GALNT17: variants seen among roughly 807,000 people sequenced by gnomAD.
The protein encoded by GALNT17 is UDP-GalNAc:polypeptide N-acetylgalactosaminyltransferase-like 3.
A neutral mutation model predicts 63.7 loss-of-function variants in GALNT17; 29 were observed. The ratio of observed to expected loss-of-function variants is 0.46; its 90% confidence interval spans 0.34 to 0.62. The LOEUF is 0.62. Among genes scored for constraint, GALNT17 ranks in the 20% least tolerant of loss-of-function variants. GALNT17 has a pLI of 0.01. For synonymous variants in GALNT17, 305 were observed against 318.3 expected, an observed-to-expected ratio of 0.96 and a Z score of 0.45; for missense variants, 603 against 799.6, an observed-to-expected ratio of 0.75 and a Z score of 2.97.
At chr7:71,398,439 G>T (rs2116378143) in intron 3 of GALNT17, among the ~76,000 whole-genome samples, 1 of 151,996 alleles carries the variant, frequency 6.6e-6, no homozygotes, top group East Asian at 1.9e-4. Context: ...TTCTCTGAAA[G>T]CTCCTTTTAT....
chr7:71,271,406 G>A (rs570101909), intron 1 of GALNT17, among the ~76,000 whole-genome samples: 1 of 152,278 alleles, frequency 6.6e-6, no homozygotes, highest in African/African-American at 2.4e-5. Context: ...ACTGACCAGT[G>A]GCCACGTGGC....
intron 2 of GALNT17, among the ~76,000 whole-genome samples, chr7:71,385,188 G>GC (rs1170511377): frequency 6.6e-6 from 1 of 152,096 alleles, no homozygotes; most frequent in East Asian, 1.9e-4. Flanking sequence ...GCCCATGTGA[G>GC]CCAAGCGATA....
chr7:71,484,012 C>G (rs184298222), intron 5 of GALNT17, among the ~76,000 whole-genome samples: 1 of 152,132 alleles, frequency 6.6e-6, no homozygotes, highest in Admixed American at 6.6e-5. Flanking sequence ...CAATAACACA[C>G]GCATGGAGCT....
At chr7:71,337,106 T>C (rs1791922395) in intron 2 of GALNT17, among the ~76,000 whole-genome samples, 1 of 152,206 alleles carries the variant, frequency 6.6e-6, no homozygotes, top group African/African-American at 2.4e-5. Flanking sequence ...ATCTCATCCC[T>C]TGGGGACAGC....
chr7:71,633,103 CAAAAAAAAAAAA>C (rs71089970), intron 6 of GALNT17, among the ~76,000 whole-genome samples: 2 of 72,372 alleles, frequency 2.8e-5, no homozygotes, highest in Non-Finnish European at 5.1e-5. Context: ...GACTCTGTCT[CAAAAAAAAAAAA>C]AAAAAAAAAA....
intron 9 of GALNT17, among the ~76,000 whole-genome samples, chr7:71,690,924 A>T (rs1194658054): frequency 6.6e-6 from 1 of 152,202 alleles, no homozygotes; most frequent in Non-Finnish European, 1.5e-5. Flanking sequence ...TCTACTCCTG[A>T]TGGGGATGTT....
At chr7:71,270,951 GAAGAA>G (rs1003950956) in intron 1 of GALNT17, among the ~76,000 whole-genome samples, 1 of 141,084 alleles carries the variant, frequency 7.1e-6, no homozygotes, top group African/African-American at 2.6e-5. Flanking sequence ...AAAAAAAAAA[GAAGAA>G]AAGAAAAGAA....
chr7:71,415,798 A>G lies in GALNT17; in HGVS notation c.590-91A>G, dbSNP rs1793512895. 1.0e-5 allele frequency: 14 copies of G among 1,360,994 alleles called. No individual in the cohort carries two copies. In the Admixed American group the frequency reaches 3.2e-4, roughly 31 times the overall value. The allele number at this position is 1,360,994 out of a possible 1,614,324, so 84.3% of individuals were successfully genotyped here. A position where few individuals can be genotyped will look rare whatever the true frequency, so the allele number is the denominator to read the frequency against. On this transcript the variant is annotated intron_variant, in intron 3 of 10. Coordinates refer to ENST00000333538, the MANE Select transcript of GALNT17 (RefSeq NM_022479.3). Reference sequence around the variant, plus strand: ...ATGCGATTTTTTTTGAGATCTTTGAACTCCCTGAAGATCTGTGGGCATTGC... The same window carrying G: ...ATGCGATTTTTTTTGAGATCTTTGAGCTCCCTGAAGATCTGTGGGCATTGC...
chr7:71,144,204 C>T lies in GALNT17; in HGVS notation c.238+11164C>T, dbSNP rs532714812. ...CTAGCTCCCTGTGCTCCTGTCCTTC[C>T]ATATCTGGCCTGGGGAGTCCGTCAG... On this transcript the variant is annotated intron_variant, in intron 1 of 10. Transcript: ENST00000333538. Among the ~76,000 whole-genome samples the T allele has an allele frequency of 6.8e-4, 103 of 152,236 alleles. 1 individual carries two copies. The highest frequency in any genetic ancestry group is 2.4e-3 in the African/African-American group (100 of 41,540).
chr7:71,570,805 C>G (rs538898163), intron 5 of GALNT17, among the ~76,000 whole-genome samples: 2 of 152,126 alleles, frequency 1.3e-5, no homozygotes, highest in Admixed American at 1.3e-4. Flanking sequence ...CATGGAGAAA[C>G]CCCGGCTCTA....
intron 5 of GALNT17, among the ~76,000 whole-genome samples, chr7:71,545,672 C>G (rs1788971171): frequency 1.3e-5 from 2 of 152,122 alleles, no homozygotes; most frequent in Non-Finnish European, 2.9e-5. Context: ...TCATTTTGAA[C>G]ATTCGTATTT....
chr7:71,645,253 C>T (rs930321323), intron 6 of GALNT17, among the ~76,000 whole-genome samples: 3 of 152,116 alleles, frequency 2.0e-5, no homozygotes, highest in Non-Finnish European at 2.9e-5. Flanking sequence ...TGATATGGTT[C>T]GGTTCTATGT....
At chr7:71,579,779 A>C (rs1789603249) in intron 6 of GALNT17, among the ~76,000 whole-genome samples, 2 of 152,188 alleles carry the variant, frequency 1.3e-5, no homozygotes, top group Admixed American at 1.3e-4. Context: ...GAGGATTGAT[A>C]AGCAGAAAGT....
intron 6 of GALNT17, among the ~76,000 whole-genome samples, chr7:71,623,767 G>C (rs911894485): frequency 3.3e-5 from 5 of 152,140 alleles, no homozygotes; most frequent in Admixed American, 2.0e-4. Context: ...CTGGCATGAA[G>C]GTGCTTAGGA....
At chr7:71,144,268 C>T (rs566894087) in intron 1 of GALNT17, among the ~76,000 whole-genome samples, 31 of 152,204 alleles carry the variant, frequency 2.0e-4, no homozygotes, top group Non-Finnish European at 3.8e-4. Flanking sequence ...CTTACCTCCT[C>T]GTCATCTGTG....
chr7:71,172,334 G>C (rs1788560714), intron 1 of GALNT17, among the ~76,000 whole-genome samples: 1 of 151,934 alleles, frequency 6.6e-6, no homozygotes, highest in Admixed American at 6.6e-5. Flanking sequence ...ATGTGCACCT[G>C]CGGACCCAGC....
intron 6 of GALNT17, among the ~76,000 whole-genome samples, chr7:71,646,913 A>G (rs934417702): frequency 6.8e-6 from 1 of 147,396 alleles, no homozygotes; most frequent in African/African-American, 2.5e-5. Context: ...CACCCAGCTA[A>G]TTTTTTGTAT....
chr7:71,309,986 C>T lies in GALNT17; in HGVS notation c.239-25564C>T, dbSNP rs150812332. ...CTTTCCCATGCTGTTCTCGTGATAG[C>T]GAATAAGTCTCACAAGATCTGATGG... On this transcript the variant is annotated intron_variant, in intron 1 of 10. Transcript: ENST00000333538. Among the ~76,000 whole-genome samples the T allele has an allele frequency of 3.1e-3, 469 of 152,138 alleles. 3 individuals carry two copies. Among genetic ancestry groups the T allele is most frequent in the Middle Eastern group, 0.01 (3 of 294 alleles).
intron 1 of GALNT17, among the ~76,000 whole-genome samples, chr7:71,134,839 T>G (rs1336942182): frequency 3.6e-5 from 1 of 27,710 alleles, no homozygotes; most frequent in African/African-American, 1.9e-4. Flanking sequence ...TTTATGGTTT[T>G]TTTTTTTTTT....
Sources: allele counts gnomAD v4.1 joint callset (sites outside exome capture counted in the v4.1 genomes callset), GRCh38; gene constraint gnomAD v4.1.1; transcripts MANE v1.5; gene names NCBI Gene and HGNC (gene_info 2026-07-23, HGNC 2026-07-21).